ZNF892: variants seen among roughly 807,000 people sequenced by gnomAD.
ZNF892 encodes zinc finger protein 570-like.
the ZNF892 span, among the ~76,000 whole-genome samples, chr2:95,253,937 T>C: frequency 1.3e-5 from 2 of 152,246 alleles, no homozygotes; most frequent in African/African-American, 4.8e-5. Flanking sequence ...TTTTGTATCC[T>C]GAGACTTTGC....
At chr2:95,259,453 C>G in the ZNF892 span, 10 of 152,472 alleles carry the variant, frequency 6.6e-5, no homozygotes, top group African/African-American at 2.4e-4. Flanking sequence ...AGAAGAAAGC[C>G]AGGTGACCTC....
At chr2:95,219,392 T>C in the ZNF892 span, among the ~76,000 whole-genome samples, 9 of 152,188 alleles carry the variant, frequency 5.9e-5, no homozygotes, top group East Asian at 1.7e-3. Flanking sequence ...TTGAGTTTTA[T>C]TTCAGTTATT....
At chr2:95,225,093 A>G in the ZNF892 span, among the ~76,000 whole-genome samples, 1 of 152,224 alleles carries the variant, frequency 6.6e-6, no homozygotes, top group African/African-American at 2.4e-5. Context: ...GGGCTAAGAC[A>G]TGGTCTTTGT....
chr2:95,215,633 A>G, the ZNF892 span: 25 of 398,860 alleles, frequency 6.3e-5, no homozygotes, highest in Non-Finnish European at 1.0e-4. Context: ...CATTCAGAGC[A>G]TAGTTATTGA....
At chr2:95,225,621 G>A in the ZNF892 span, among the ~76,000 whole-genome samples, 2 of 152,170 alleles carry the variant, frequency 1.3e-5, no homozygotes, top group Non-Finnish European at 2.9e-5. Flanking sequence ...TCAAACCATA[G>A]CATTCCACCC....
At chr2:95,239,952 T>G in the ZNF892 span, among the ~76,000 whole-genome samples, 1 of 152,196 alleles carries the variant, frequency 6.6e-6, no homozygotes, top group Non-Finnish European at 1.5e-5. Context: ...TAAACATAAC[T>G]TATATGCACT....
the ZNF892 span, among the ~76,000 whole-genome samples, chr2:95,209,354 G>A: frequency 6.6e-6 from 1 of 152,212 alleles, no homozygotes; most frequent in South Asian, 2.1e-4. Flanking sequence ...TGTGGTGAGG[G>A]AAGCTCGGCT....
At chr2:95,241,194 C>T in the ZNF892 span, among the ~76,000 whole-genome samples, 1 of 152,212 alleles carries the variant, frequency 6.6e-6, no homozygotes, top group African/African-American at 2.4e-5. Flanking sequence ...TCCCTAATCC[C>T]ATTTCTCCTG....
chr2:95,239,880 T>A, the ZNF892 span, among the ~76,000 whole-genome samples: 1 of 152,198 alleles, frequency 6.6e-6, no homozygotes, highest in African/African-American at 2.4e-5. Context: ...TCCACCCACC[T>A]CGGCCTCCCA....
At chr2:95,226,443 C>T in the ZNF892 span, among the ~76,000 whole-genome samples, 1 of 152,066 alleles carries the variant, frequency 6.6e-6, no homozygotes, top group Non-Finnish European at 1.5e-5. Flanking sequence ...ATGTTAAGTT[C>T]TAGGCTGCTG....
the ZNF892 span, among the ~76,000 whole-genome samples, chr2:95,243,539 G>T: frequency 4.0e-5 from 6 of 149,782 alleles, no homozygotes; most frequent in African/African-American, 1.2e-4. Context: ...CTGCCCGGCC[G>T]CCCCGTCTGA....
the ZNF892 span, chr2:95,259,534 T>G: frequency 6.6e-6 from 1 of 152,286 alleles, no homozygotes; most frequent in African/African-American, 2.4e-5. Flanking sequence ...CTCATCAGAA[T>G]TAGCCACATG....
At chr2:95,233,668 A>C in the ZNF892 span, among the ~76,000 whole-genome samples, 1 of 70,516 alleles carries the variant, frequency 1.4e-5, no homozygotes, top group African/African-American at 6.9e-5. Flanking sequence ...GCGAGACTCC[A>C]TCTCAAAAAA....
chr2:95,244,599 C>A, the ZNF892 span, among the ~76,000 whole-genome samples: 1 of 152,084 alleles, frequency 6.6e-6, no homozygotes, highest in Non-Finnish European at 1.5e-5. Flanking sequence ...AGTGCAAGAC[C>A]TTAACACCAC....
the ZNF892 span, among the ~76,000 whole-genome samples, chr2:95,209,610 A>C: frequency 6.6e-6 from 1 of 152,180 alleles, no homozygotes. Context: ...GGTACTGATG[A>C]TCCTTATAAA....
the ZNF892 span, among the ~76,000 whole-genome samples, chr2:95,249,477 G>A: frequency 4.0e-5 from 6 of 148,956 alleles, no homozygotes. Context: ...TTGAACTCCT[G>A]ACCTTGTGAT....
chr2:95,208,547 G>A, the ZNF892 span: 1 of 397,714 alleles, frequency 2.5e-6, no homozygotes, highest in Non-Finnish European at 4.4e-6. Context: ...TTGGTTCCCA[G>A]TGTTGACTCT....
At chr2:95,231,221 C>A in the ZNF892 span, among the ~76,000 whole-genome samples, 1 of 152,038 alleles carries the variant, frequency 6.6e-6, no homozygotes, top group Non-Finnish European at 1.5e-5. Context: ...AGTGTATTCA[C>A]ACAATGGACT....
chr2:95,243,728 AGCACCCCGCCCG>A, the ZNF892 span, among the ~76,000 whole-genome samples: 1 of 149,326 alleles, frequency 6.7e-6, no homozygotes, highest in Non-Finnish European at 1.5e-5. Context: ...TGCGGGGGTC[AGCACCCCGCCCG>A]GCCAGCCGCC....
Sources: allele counts gnomAD v4.1 joint callset (sites outside exome capture counted in the v4.1 genomes callset), GRCh38; gene constraint gnomAD v4.1.1; transcripts MANE v1.5; gene names NCBI Gene and HGNC (gene_info 2026-07-23, HGNC 2026-07-21).